Variants in TNN observed in about 807,000 individuals in gnomAD.
TNN encodes the protein tenascin N.
A neutral mutation model predicts 134.4 loss-of-function variants in TNN; 122 were observed. The observed-to-expected ratio is 0.91, with a 90% CI of 0.78 to 1.06. The LOEUF is 1.06. Among genes scored for constraint, TNN ranks in the 50% least tolerant of loss-of-function variants. The pLI, the probability that TNN is intolerant of heterozygous loss-of-function variation, is 0.00. For missense variants in TNN, 1,739 were observed against 1,699.4 expected, an observed-to-expected ratio of 1.02 and a Z score of -0.41; for synonymous variants, 710 against 670.3, an observed-to-expected ratio of 1.06 and a Z score of -0.91.
intron 9 of TNN, among the ~76,000 whole-genome samples, chr1:175,103,910 G>A (rs1052386645): frequency 4.8e-5 from 7 of 145,136 alleles, no homozygotes; most frequent in South Asian, 2.3e-4. Context: ...GTGACTGTGC[G>A]GGCATTTTTT....
chr1:175,131,906 T>G (rs1000617904), intron 15 of TNN, among the ~76,000 whole-genome samples: 6 of 132,630 alleles, frequency 4.5e-5, no homozygotes, highest in African/African-American at 1.2e-4. Flanking sequence ...CTGGCCCAGA[T>G]GAAGTATTAT....
At chr1:175,115,715 G>A (rs987023252) in intron 9 of TNN, among the ~76,000 whole-genome samples, 7 of 152,152 alleles carry the variant, frequency 4.6e-5, no homozygotes, top group African/African-American at 9.7e-5. Context: ...GCCACAGGGG[G>A]TGGGGCACAG....
Position 175,124,291 on chromosome 1 carries a change from T to A in TNN, c.2914+628T>A, listed in dbSNP as rs540677600. ...GCTTGAATTTCTCTATGGTTTTTAT[T>A]AGTTAAAATTAGCTTGCATTTTTAA... On this transcript the variant is annotated intron_variant, in intron 12 of 18. Coordinates refer to ENST00000239462, the MANE Select transcript of TNN (RefSeq NM_022093.2). Among the ~76,000 whole-genome samples the A allele has an allele frequency of 3.3e-5, 5 of 152,370 alleles. No individual in the cohort carries two copies. The East Asian group carries it at 5.8e-4, about 18-fold the overall frequency.
At chr1:175,125,920 CTCTT>C (rs1201992509) in intron 12 of TNN, among the ~76,000 whole-genome samples, 74 of 142,274 alleles carry the variant, frequency 5.2e-4, no homozygotes, top group South Asian at 1.2e-3. Flanking sequence ...TCTCTCTCTT[CTCTT>C]TCTTTCTTTC....
At chr1:175,121,511 GTGTTC>G (rs1443741357) in intron 11 of TNN, among the ~76,000 whole-genome samples, 1 of 152,174 alleles carries the variant, frequency 6.6e-6, no homozygotes, top group Non-Finnish European at 1.5e-5. Context: ...ATATGATGCA[GTGTTC>G]ATTTAAAAAA....
chr1:175,137,601 A>T (rs2101851898), intron 17 of TNN, among the ~76,000 whole-genome samples: 1 of 152,342 alleles, frequency 6.6e-6, no homozygotes, highest in African/African-American at 2.4e-5. Context: ...GTGAGGGAAA[A>T]GAGCAAAATT....
At chr1:175,116,334 C>T (rs537372543) in intron 9 of TNN, among the ~76,000 whole-genome samples, 3 of 152,154 alleles carry the variant, frequency 2.0e-5, no homozygotes, top group African/African-American at 7.2e-5. Context: ...AATACTTTAA[C>T]ATTTTCAAAG....
chr1:175,147,202 C>A lies in TNN; in HGVS notation c.*131C>A, dbSNP rs1266240655. The A allele has an allele frequency of 3.7e-5, 36 of 980,638 alleles. No homozygotes were observed. The Admixed American group carries it at 1.3e-3, about 36-fold the overall frequency. The allele number at this position is 980,638 out of a possible 1,614,324, so 60.7% of individuals were successfully genotyped here. A position where few individuals can be genotyped will look rare whatever the true frequency, so the allele number is the denominator to read the frequency against. Reference sequence around the variant, plus strand: ...ACAAATCATGTCACCAAGCTTCAAGCCATGGAGGTTCCTTCCCTCTCACCT... The same window carrying A: ...ACAAATCATGTCACCAAGCTTCAAGACATGGAGGTTCCTTCCCTCTCACCT... On this transcript the variant is annotated 3_prime_UTR_variant, in exon 19 of 19. Transcript: ENST00000239462.
At chr1:175,071,998 A>C (rs1280900075) in intron 1 of TNN, among the ~76,000 whole-genome samples, 1 of 152,208 alleles carries the variant, frequency 6.6e-6, no homozygotes, top group Non-Finnish European at 1.5e-5. Flanking sequence ...GCTCACAAGG[A>C]TACCTGGGCT....
rs561371055 is a variant in TNN, at chr1:175,104,364, T to C, written c.2119+5769T>C. On this transcript the variant is annotated intron_variant, in intron 9 of 18. Transcript: ENST00000239462. ...CAGTCCTGTTGTTGGATCATCTGGT[T>C]GGGGGCTTCTAACCCAGGGAACCTT... is the stretch of plus-strand genomic sequence containing the variant. 2.7e-5 allele frequency among the ~76,000 whole-genome samples: 4 copies of C among 145,998 alleles called. 2 individuals carry two copies. The East Asian group carries it at 9.2e-4, about 34-fold the overall frequency.
intron 9 of TNN, among the ~76,000 whole-genome samples, chr1:175,103,176 C>T (rs1674771643): frequency 6.8e-6 from 1 of 146,380 alleles, no homozygotes; most frequent in Admixed American, 6.8e-5. Context: ...AAGATGGCTG[C>T]CACAGGACCT....
chr1:175,074,294 G>A (rs1339419979), intron 1 of TNN, among the ~76,000 whole-genome samples: 1 of 151,932 alleles, frequency 6.6e-6, no homozygotes, highest in African/African-American at 2.4e-5. Flanking sequence ...ACCAGGTTGG[G>A]CAAGATGGTG....
Position 175,089,035 on chromosome 1 carries a change from A to AC in TNN, c.1324+3543dup, listed in dbSNP as rs200729384. 2.1e-3 allele frequency among the ~76,000 whole-genome samples: 319 copies of AC among 152,314 alleles called. 9 individuals carry two copies. The East Asian group carries it at 0.058, about 28-fold the overall frequency. On this transcript the variant is annotated intron_variant, in intron 6 of 18. Coordinates refer to ENST00000239462, the MANE Select transcript of TNN (RefSeq NM_022093.2). Reference sequence around the variant, plus strand: ...TTTTTATTGTCAATTATATCCTAAAACCAGGATAGAATATTTTATTGGATT... The same window carrying AC: ...TTTTTATTGTCAATTATATCCTAAAACCCAGGATAGAATATTTTATTGGATT...
chr1:175,130,484 T>C (rs997114989), intron 15 of TNN, among the ~76,000 whole-genome samples: 6 of 152,190 alleles, frequency 3.9e-5, no homozygotes, highest in Non-Finnish European at 8.8e-5. Flanking sequence ...ATCAGCACCA[T>C]TGTAAGGCTA....
Position 175,135,842 on chromosome 1 carries a change from C to T in TNN, c.3331-3C>T. The T allele has an allele frequency of 6.2e-7, 1 of 1,612,444 alleles. No homozygotes were observed. ...AGAGTGAAGTATTCATCTTCCTTCTCAGGTCTTCCAGAGGCGGAACACTGG... is the reference window on the plus strand; with the variant it reads ...AGAGTGAAGTATTCATCTTCCTTCTTAGGTCTTCCAGAGGCGGAACACTGG... On this transcript the variant is annotated splice_region_variant and splice_polypyrimidine_tract_variant and intron_variant, in intron 15 of 18. Transcript: ENST00000239462.
At chr1:175,136,228 G>A (rs1206846803) in intron 16 of TNN, among the ~76,000 whole-genome samples, 2 of 152,170 alleles carry the variant, frequency 1.3e-5, no homozygotes, top group African/African-American at 4.8e-5. Context: ...TAGAAAAAAA[G>A]TTCAGTGATT....
chr1:175,102,564 C>T (rs983100272), intron 9 of TNN, among the ~76,000 whole-genome samples: 3 of 145,882 alleles, frequency 2.1e-5, no homozygotes, highest in Admixed American at 6.9e-5. Flanking sequence ...CCTCACTGCC[C>T]GGGGCCAGCA....
chr1:175,067,933 C>A lies in TNN; in HGVS notation c.-38C>A. The A allele has an allele frequency of 2.1e-6, 1 of 478,260 alleles. No homozygotes were observed. The highest frequency in any genetic ancestry group is 6.3e-5 in the East Asian group (1 of 15,994). The allele number at this position is 478,260 out of a possible 1,614,324, so 29.6% of individuals were successfully genotyped here. A position where few individuals can be genotyped will look rare whatever the true frequency, so the allele number is the denominator to read the frequency against. Reference sequence around the variant, plus strand: ...TTGGAAGAGGCACCCAGCAGCCTCCCAGGTAAGAGTGCCAGTTGCCCAAGC... The same window carrying A: ...TTGGAAGAGGCACCCAGCAGCCTCCAAGGTAAGAGTGCCAGTTGCCCAAGC... On this transcript the variant is annotated splice_region_variant and 5_prime_UTR_variant, in exon 1 of 19. Transcript: ENST00000239462.
intron 10 of TNN, 30 bp downstream of exon 10, chr1:175,117,235 G>T (rs750950466): frequency 2.5e-6 from 4 of 1,606,102 alleles, no homozygotes; most frequent in Non-Finnish European, 3.4e-6. Flanking sequence ...GGGAATATAA[G>T]AGCTTTCATG....
Sources: allele counts gnomAD v4.1 joint callset (sites outside exome capture counted in the v4.1 genomes callset), GRCh38; gene constraint gnomAD v4.1.1; transcripts MANE v1.5; gene names NCBI Gene and HGNC (gene_info 2026-07-23, HGNC 2026-07-21).